The following GALNT18 variants were observed in gnomAD, a reference collection of about 807,000 sequenced individuals.
GALNT18 encodes the protein polypeptide N-acetylgalactosaminyltransferase 18.
A neutral mutation model predicts 69.5 loss-of-function variants in GALNT18; 44 were observed. The ratio of observed to expected loss-of-function variants is 0.63; its 90% confidence interval spans 0.50 to 0.81. GALNT18 has a LOEUF of 0.81. GALNT18 is among the 40% of genes least tolerant of loss of function. The pLI is 0.00. For synonymous variants in GALNT18, 364 were observed against 318.2 expected (o/e 1.14, Z -1.53); for missense variants, 715 against 810.0 (o/e 0.88, Z 1.42).
intron 5 of GALNT18, among the ~76,000 whole-genome samples, chr11:11,373,882 G>A (rs933303174): frequency 6.6e-6 from 1 of 152,194 alleles, no homozygotes; most frequent in African/African-American, 2.4e-5. Context: ...GTGGCAGTGG[G>A]GGAATAAAAG....
intron 1 of GALNT18, chr11:11,475,595 C>T (rs1397810578): frequency 6.6e-6 from 1 of 152,204 alleles, no homozygotes; most frequent in African/African-American, 2.4e-5. Context: ...GAGGCTGTTG[C>T]ATCTTGTTAC....
At chr11:11,458,642 G>A (rs945056722) in intron 1 of GALNT18, among the ~76,000 whole-genome samples, 11 of 152,304 alleles carry the variant, frequency 7.2e-5, no homozygotes, top group African/African-American at 1.9e-4. Context: ...CAGTTCACCC[G>A]AGCACTGCTA....
At chr11:11,345,615 C>A (rs932030466) in intron 6 of GALNT18, among the ~76,000 whole-genome samples, 1 of 151,820 alleles carries the variant, frequency 6.6e-6, no homozygotes, top group Admixed American at 6.6e-5. Flanking sequence ...AGAGCAAGCC[C>A]CAAACCAGAG....
chr11:11,369,414 T>C (rs75668890), intron 6 of GALNT18, among the ~76,000 whole-genome samples: 117 of 152,330 alleles, frequency 7.7e-4, no homozygotes, highest in Non-Finnish European at 1.2e-3. Flanking sequence ...CACCTTCTCA[T>C]GGCTGTCTTT....
intron 10 of GALNT18, among the ~76,000 whole-genome samples, chr11:11,288,335 T>A (rs1185616005): frequency 1.3e-5 from 2 of 152,218 alleles, no homozygotes; most frequent in African/African-American, 2.4e-5. Context: ...TTTGCCCAAG[T>A]GAGCCTCTAC....
chr11:11,476,962 A>G (rs1253571062), intron 1 of GALNT18, among the ~76,000 whole-genome samples: 7 of 152,242 alleles, frequency 4.6e-5, no homozygotes, highest in Non-Finnish European at 1.0e-4. Context: ...AAGAGGGTCT[A>G]TGAAGAGGAT....
Position 11,379,218 on chromosome 11 carries a change from G to T in GALNT18, c.642C>A (p.Ser214Arg). 1.9e-6 allele frequency: 3 copies of T among 1,613,214 alleles called. No homozygotes were observed. The highest frequency in any genetic ancestry group is 2.7e-5 in the African/African-American group (2 of 74,998). ...CGACTTTGATGAAGCCTGGCTTCTGGCTGTTCACCTTGTCCACATATTCGG... is the reference window on the plus strand; with the variant it reads ...CGACTTTGATGAAGCCTGGCTTCTGTCTGTTCACCTTGTCCACATATTCGG... The part of the protein sequence containing the change: ...KLTEYVDKVN[S>R]QKPGFIKVVR... Residue 214 changes from serine to arginine, a missense_variant, in exon 4 of 11, where the codon AGC becomes AGA. Transcript: ENST00000227756.
intron 1 of GALNT18, among the ~76,000 whole-genome samples, chr11:11,552,517 A>G (rs1590092462): frequency 6.6e-6 from 1 of 152,212 alleles, no homozygotes; most frequent in Non-Finnish European, 1.5e-5. Context: ...GCATATGGGC[A>G]GCATAGTTTT....
chr11:11,354,742 T>C (rs868764137), intron 6 of GALNT18, among the ~76,000 whole-genome samples: 2 of 152,180 alleles, frequency 1.3e-5, no homozygotes, highest in Non-Finnish European at 2.9e-5. Context: ...TCAAGATTTA[T>C]ATACCCAAGT....
At chr11:11,566,696 A>G (rs1211787460) in intron 1 of GALNT18, among the ~76,000 whole-genome samples, 1 of 152,220 alleles carries the variant, frequency 6.6e-6, no homozygotes, top group Non-Finnish European at 1.5e-5. Flanking sequence ...TGTTCCTTGC[A>G]TTATTCTTGC....
At position 11,584,708 on chromosome 11, in the gene GALNT18, A is replaced by G. The variant is rs2133915568; in HGVS notation, c.235+36651T>C. On this transcript the variant is annotated intron_variant, in intron 1 of 10. Coordinates refer to ENST00000227756, the MANE Select transcript of GALNT18 (RefSeq NM_198516.3). The surrounding 1 kb of genome is among the most constrained non-coding windows in gnomAD (Gnocchi z 4.1). ...ATAAAGCACTTCTGCTGCAGACTGA[A>G]GTATGAAGGTTGTCTCAAGAGAAAG... Among the ~76,000 whole-genome samples, 1 of 152,322 alleles carries G rather than the reference A, an allele frequency of 6.6e-6. No individual in the cohort carries two copies. The highest frequency in any genetic ancestry group is 2.1e-4 in the South Asian group (1 of 4,816).
chr11:11,390,169 A>C (rs1297014481), intron 3 of GALNT18, among the ~76,000 whole-genome samples: 1 of 152,070 alleles, frequency 6.6e-6, no homozygotes, highest in African/African-American at 2.4e-5. Context: ...CCCCACCACC[A>C]GTTGTTCATG....
In GALNT18 at chr11:11,454,583, A is replaced by T. The variant is rs1855884194; in HGVS notation, c.236-5647T>A. 6.6e-6 allele frequency among the ~76,000 whole-genome samples: 1 copy of T among 151,988 alleles called. No homozygotes were observed. The highest frequency in any genetic ancestry group is 6.5e-5 in the Admixed American group (1 of 15,276). On this transcript the variant is annotated intron_variant, in intron 1 of 10. Transcript: ENST00000227756. The surrounding 1 kb of genome is among the most constrained non-coding windows in gnomAD (Gnocchi z 4.2). ...AAAGATTCCACTGAAGGGTCCAAAC[A>T]TCCCTCTTCCCAGAAACCCAGGCAC...
intron 1 of GALNT18, among the ~76,000 whole-genome samples, chr11:11,519,734 T>C (rs533122945): frequency 2.0e-5 from 3 of 152,290 alleles, no homozygotes; most frequent in East Asian, 3.9e-4. Context: ...CATCTCGCCC[T>C]GACTGCAGGA....
chr11:11,342,444 T>G (rs774930967), intron 6 of GALNT18, among the ~76,000 whole-genome samples: 1 of 152,146 alleles, frequency 6.6e-6, no homozygotes, highest in Admixed American at 6.5e-5. Flanking sequence ...TCAACAACAA[T>G]AAGTCTGGGA....
rs1170211018 is a variant in GALNT18, at chr11:11,339,373, T to C, written c.1278+1446A>G. Among the ~76,000 whole-genome samples the C allele has an allele frequency of 1.3e-5, 2 of 152,160 alleles. No homozygotes were observed. Among genetic ancestry groups the C allele is most frequent in the East Asian group, 1.9e-4 (1 of 5,178 alleles). On this transcript the variant is annotated intron_variant, in intron 7 of 10. Coordinates refer to ENST00000227756, the MANE Select transcript of GALNT18 (RefSeq NM_198516.3). This position sits in a 1 kb window ranked among gnomAD's most constrained non-coding sequence, Gnocchi z 5.2. ...GCTGGGCATTTCAACACCTGTCAGC[T>C]GCAAGGGGGAGAGGGCTAGAAGTTT...
At position 11,584,107 on chromosome 11, in the gene GALNT18, G is replaced by A. The variant is rs1268805122; in HGVS notation, c.235+37252C>T. Among the ~76,000 whole-genome samples the A allele has an allele frequency of 6.6e-6, 1 of 152,062 alleles. No homozygotes were observed. The highest frequency in any genetic ancestry group is 2.4e-5 in the African/African-American group (1 of 41,400). On this transcript the variant is annotated intron_variant, in intron 1 of 10. Transcript: ENST00000227756. The surrounding 1 kb of genome is among the most constrained non-coding windows in gnomAD (Gnocchi z 4.1). ...GAAAAGAGATAAGAGGACATACGGAGAGAAGTAAAAAGGGGAAGTAGAAGA... is the reference window on the plus strand; with the variant it reads ...GAAAAGAGATAAGAGGACATACGGAAAGAAGTAAAAAGGGGAAGTAGAAGA...
chr11:11,522,151 G>C (rs1857413452), intron 1 of GALNT18, among the ~76,000 whole-genome samples: 1 of 152,160 alleles, frequency 6.6e-6, no homozygotes, highest in Admixed American at 6.5e-5. Flanking sequence ...TCTATCCCAA[G>C]AATCCTCCCC....
chr11:11,373,092 G>A (rs928777899), intron 5 of GALNT18, among the ~76,000 whole-genome samples: 8 of 152,146 alleles, frequency 5.3e-5, no homozygotes, highest in Non-Finnish European at 1.0e-4. Flanking sequence ...TTGGGTAGCA[G>A]GGTAAAAAAT....
Sources: allele counts gnomAD v4.1 joint callset (sites outside exome capture counted in the v4.1 genomes callset), GRCh38; gene constraint gnomAD v4.1.1; non-coding constraint Gnocchi (gnomAD v3.1); transcripts MANE v1.5; gene names NCBI Gene and HGNC (gene_info 2026-07-23, HGNC 2026-07-21).